The following EMC3 variants were observed in gnomAD, a reference collection of about 807,000 sequenced individuals.
EMC3 encodes the protein ER membrane protein complex subunit 3, also known as 30 kDa protein.
EMC3 carries 13 observed loss-of-function variants against 36.6 expected under a neutral mutation model. That is an observed-to-expected ratio of 0.35 (90% CI 0.23 to 0.56). EMC3 has a LOEUF of 0.56. EMC3 is among the 20% of genes least tolerant of loss of function. EMC3 has a pLI of 0.84. For missense variants in EMC3, 220 were observed against 324.5 expected (o/e 0.68, Z 2.47); for synonymous variants, 120 against 111.9 (o/e 1.07, Z -0.46).
intron 1 of EMC3, among the ~76,000 whole-genome samples, chr3:9,995,763 A>G (rs1005791693): frequency 6.6e-6 from 1 of 151,960 alleles, no homozygotes; most frequent in Non-Finnish European, 1.5e-5. Flanking sequence ...TCACCCTTCC[A>G]AGTACCTGGG....
rs1364677709 is a variant in EMC3 at position 9,963,473 on chromosome 3, A to ATTTTTTTTT, written c.*595_*596insAAAAAAAAA. The ATTTTTTTTT allele has an allele frequency of 6.3e-5, 7 of 111,366 alleles. No individual in the cohort carries two copies. The highest frequency in any genetic ancestry group is 2.4e-4 in the African/African-American group (7 of 28,966). The allele number at this position is 111,366 out of a possible 1,614,324, so 6.9% of individuals were successfully genotyped here. On this transcript the variant is annotated 3_prime_UTR_variant, in exon 8 of 8. Transcript: ENST00000245046. Reference sequence around the variant, plus strand: ...AAGATAGATATATATATATATATATATATATTTTTTTTTTTTTTTCAGATG... The same window carrying ATTTTTTTTT: ...AAGATAGATATATATATATATATATATTTTTTTTTTATATTTTTTTTTTTTTTTCAGATG...
chr3:9,986,494 G>A lies in EMC3; in HGVS notation c.155+13C>T. On this transcript the variant is annotated intron_variant, in intron 1 of 7. Coordinates refer to ENST00000245046, the MANE Select transcript of EMC3 (RefSeq NM_001394674.1). ...GGCGGTGTGAGGTAGGCTGGAGAAG[G>A]GAGGGCGCTGACCTGTCAGATACTT... 2 of 1,613,248 alleles carry A rather than the reference G, an allele frequency of 1.2e-6. No individual in the cohort carries two copies. The highest frequency in any genetic ancestry group is 1.7e-6 in the Non-Finnish European group (2 of 1,179,528).
chr3:10,007,236 G>T, intron 1 of EMC3: 1 of 1,087,956 alleles, frequency 9.2e-7, no homozygotes, highest in Non-Finnish European at 1.2e-6. Flanking sequence ...CTGAGCAGGT[G>T]CAGGGTAGAG....
Position 9,972,254 on chromosome 3 carries a change from C to T in EMC3, c.494+1374G>A, listed in dbSNP as rs568108690. ...GGAAAAAAAAAAATACAAACTTCCACTCCCATAAGCTCAAGGGTATTACTA... is the reference window on the plus strand; with the variant it reads ...GGAAAAAAAAAAATACAAACTTCCATTCCCATAAGCTCAAGGGTATTACTA... On this transcript the variant is annotated intron_variant, in intron 5 of 7. Transcript: ENST00000245046. Among the ~76,000 whole-genome samples the T allele has an allele frequency of 5.3e-5, 8 of 152,040 alleles. No individual in the cohort carries two copies. In the South Asian group the frequency reaches 1.5e-3, roughly 28 times the overall value.
chr3:9,998,003 A>C (rs1374314117), intron 1 of EMC3, among the ~76,000 whole-genome samples: 1 of 152,080 alleles, frequency 6.6e-6, no homozygotes, highest in Non-Finnish European at 1.5e-5. Flanking sequence ...ATAATTTTAC[A>C]TTCCTACCAC....
intron 1 of EMC3, chr3:9,981,757 A>G (rs2085914183): frequency 2.2e-6 from 1 of 445,236 alleles, no homozygotes; most frequent in Non-Finnish European, 4.5e-6. Flanking sequence ...TCTTGGAATA[A>G]AACTTTAAAG....
In EMC3 at chr3:9,963,473, A is replaced by ATTTTTTT. The variant is rs1364677709; in HGVS notation, c.*595_*596insAAAAAAA. 132 of 111,314 alleles carry ATTTTTTT rather than the reference A, an allele frequency of 1.2e-3. No individual in the cohort carries two copies. The highest frequency in any genetic ancestry group is 4.5e-3 in the African/African-American group (129 of 28,966). The allele number at this position is 111,314 out of a possible 1,614,324, so 6.9% of individuals were successfully genotyped here. On this transcript the variant is annotated 3_prime_UTR_variant, in exon 8 of 8. Transcript: ENST00000245046. Reference sequence around the variant, plus strand: ...AAGATAGATATATATATATATATATATATATTTTTTTTTTTTTTTCAGATG... The same window carrying ATTTTTTT: ...AAGATAGATATATATATATATATATATTTTTTTTATATTTTTTTTTTTTTTTCAGATG...
chr3:9,973,339 C>G (rs1216471611), intron 5 of EMC3, among the ~76,000 whole-genome samples: 5 of 151,908 alleles, frequency 3.3e-5, no homozygotes, highest in Non-Finnish European at 7.4e-5. Flanking sequence ...GGACTACAGG[C>G]GCCCGCCACC....
At chr3:9,980,836 C>T (rs1486008114) in intron 1 of EMC3, among the ~76,000 whole-genome samples, 10 of 152,116 alleles carry the variant, frequency 6.6e-5, no homozygotes, top group South Asian at 4.1e-4. Flanking sequence ...AGGGTCGTGA[C>T]CTTGTCTTAC....
intron 1 of EMC3, chr3:9,981,499 T>C (rs1236742986): frequency 6.3e-6 from 1 of 159,670 alleles, no homozygotes; most frequent in Non-Finnish European, 1.4e-5. Flanking sequence ...CTAAAAGAAA[T>C]TTTTAATTTT....
At chr3:9,977,935 C>A (rs2085866639) in intron 1 of EMC3, among the ~76,000 whole-genome samples, 1 of 151,894 alleles carries the variant, frequency 6.6e-6, no homozygotes, top group Admixed American at 6.6e-5. Context: ...TGTTAGAAAG[C>A]TCTCAGTAAA....
At chr3:9,984,714 G>A (rs1314449035) in intron 1 of EMC3, among the ~76,000 whole-genome samples, 7 of 152,120 alleles carry the variant, frequency 4.6e-5, no homozygotes, top group South Asian at 2.1e-4. Context: ...CTTAAGGTTC[G>A]CTCCAGGGTG....
intron 1 of EMC3, chr3:10,004,152 T>G (rs530641141): frequency 9.9e-5 from 15 of 152,228 alleles, no homozygotes; most frequent in African/African-American, 3.4e-4. Flanking sequence ...CAGCAAAAAT[T>G]TAAAGTGGAA....
chr3:9,986,708 C>G lies in EMC3; in HGVS notation c.-47G>C. ...AGTCTGGAATGGGCGAGCTTCTCTT[C>G]TCCGGGGCACAGTTGCTTCTCTTCG... is the stretch of plus-strand genomic sequence containing the variant. On this transcript the variant is annotated 5_prime_UTR_variant, in exon 1 of 8. Transcript: ENST00000245046. 6.2e-7 allele frequency: 1 copy of G among 1,607,488 alleles called. No individual in the cohort carries two copies. Among genetic ancestry groups the G allele is most frequent in the Non-Finnish European group, 8.5e-7 (1 of 1,175,978 alleles).
At chr3:10,008,335 C>G (rs902405607) in intron 1 of EMC3, 321 of 1,245,586 alleles carry the variant, frequency 2.6e-4, no homozygotes, top group Non-Finnish European at 6.5e-5. Context: ...GGTCAAGGGA[C>G]TATAGGGAAG....
intron 5 of EMC3, among the ~76,000 whole-genome samples, chr3:9,972,705 G>A (rs1232313824): frequency 2.0e-5 from 3 of 151,768 alleles, no homozygotes; most frequent in African/African-American, 7.3e-5. Context: ...AGGAGGTGGA[G>A]GTTGCAGTGA....
At chr3:9,997,067 A>G (rs2086134914) in intron 1 of EMC3, among the ~76,000 whole-genome samples, 1 of 152,186 alleles carries the variant, frequency 6.6e-6, no homozygotes, top group South Asian at 2.1e-4. Context: ...CTTTGTACCC[A>G]TTAGGCAATA....
chr3:9,971,851 C>A (rs1332119266), intron 5 of EMC3, among the ~76,000 whole-genome samples: 1 of 152,182 alleles, frequency 6.6e-6, no homozygotes, highest in Admixed American at 6.5e-5. Context: ...CACTAGTAAT[C>A]CCCATTTTGT....
At chr3:9,977,544 C>T in intron 1 of EMC3, 98 bp from the exon 2 acceptor site, 1 of 1,046,552 alleles carries the variant, frequency 9.6e-7, no homozygotes, top group South Asian at 1.6e-5. Context: ...CAAGAGAGGG[C>T]CTATTTGGCA....
Sources: gnomAD v4.1 joint callset for allele counts (sites outside exome capture counted in the v4.1 genomes callset) on GRCh38, gnomAD v4.1.1 for gene constraint, MANE v1.5 for transcripts, NCBI Gene and HGNC (gene_info 2026-07-23, HGNC 2026-07-21) for gene names.